CLSTN2: variants seen among roughly 807,000 people sequenced by gnomAD.
CLSTN2 encodes the protein calsyntenin 2, also known as calsyntenin-2.
A neutral mutation model predicts 101.2 loss-of-function variants in CLSTN2; 48 were observed. The observed-to-expected ratio is 0.47, with a 90% CI of 0.38 to 0.60. The LOEUF (loss-of-function observed/expected upper bound fraction) is 0.60, where lower values mean the gene tolerates loss of function less well. Among genes scored for constraint, CLSTN2 ranks in the 20% least tolerant of loss-of-function variants. CLSTN2 has a pLI of 0.00. For synonymous variants in CLSTN2, 481 were observed against 463.6 expected (o/e 1.04, Z -0.48); for missense variants, 1,160 against 1,238.2 (o/e 0.94, Z 0.95).
Position 140,448,604 on chromosome 3 carries a change from CGT to C in CLSTN2, c.876_877del (p.Ser293PhefsTer11). 1 of 1,614,070 alleles carries C rather than the reference CGT, an allele frequency of 6.2e-7. No individual in the cohort carries two copies. The highest frequency in any genetic ancestry group is 1.1e-5 in the South Asian group (1 of 91,068). On this transcript the variant is annotated frameshift_variant, in exon 6 of 17. Coordinates refer to ENST00000458420, the MANE Select transcript of CLSTN2 (RefSeq NM_022131.3). LOFTEE classifies it high-confidence loss of function. ...SIHLETCDGA[V>X]SSLQIVTELQ... ...TCCACCTGGAGACGTGCGATGGAGC[CGT>C]GTCTTCCCTCCAGATCGTCACAGAG...
At chr3:140,540,609 T>C (rs997396224) in intron 9 of CLSTN2, among the ~76,000 whole-genome samples, 1 of 151,630 alleles carries the variant, frequency 6.6e-6, no homozygotes, top group Non-Finnish European at 1.5e-5. Context: ...GAAACAGCCA[T>C]ACACAGAGCA....
At chr3:140,463,889 G>A (rs959528608) in intron 7 of CLSTN2, among the ~76,000 whole-genome samples, 1 of 152,210 alleles carries the variant, frequency 6.6e-6, no homozygotes, top group Admixed American at 6.5e-5. Context: ...GGGGATTCCT[G>A]AGAGAAGGGA....
At chr3:140,215,843 T>A (rs4683812) in intron 2 of CLSTN2, among the ~76,000 whole-genome samples, 142,879 of 152,314 alleles carry the variant, frequency 0.94, 67,698 homozygotes, top group East Asian at 1. Flanking sequence ...TGGTGAGTAC[T>A]CAATATGTAT....
At chr3:140,407,444 T>C (rs1184774283) in intron 4 of CLSTN2, among the ~76,000 whole-genome samples, 2 of 152,110 alleles carry the variant, frequency 1.3e-5, no homozygotes, top group Admixed American at 1.3e-4. Context: ...CCAGAGGCCC[T>C]CAGACTCCCT....
intron 2 of CLSTN2, among the ~76,000 whole-genome samples, chr3:140,216,974 A>G (rs1440209627): frequency 6.6e-6 from 1 of 152,190 alleles, no homozygotes; most frequent in Non-Finnish European, 1.5e-5. Flanking sequence ...CATGGTTACT[A>G]TACCCATTTT....
chr3:140,012,568 G>C (rs1282928447), intron 1 of CLSTN2, among the ~76,000 whole-genome samples: 2 of 152,172 alleles, frequency 1.3e-5, no homozygotes, highest in Admixed American at 6.5e-5. Context: ...CCAAGGAAGA[G>C]GGATGACCAG....
chr3:140,065,642 C>T (rs965602921), intron 1 of CLSTN2, among the ~76,000 whole-genome samples: 1 of 152,252 alleles, frequency 6.6e-6, no homozygotes, highest in Non-Finnish European at 1.5e-5. Flanking sequence ...AACACCCAGA[C>T]TTAACTGGTC....
chr3:139,936,921 A>G (rs911981817), intron 1 of CLSTN2, among the ~76,000 whole-genome samples: 7 of 152,146 alleles, frequency 4.6e-5, no homozygotes, highest in Non-Finnish European at 1.5e-5. Context: ...GAGAAATTTC[A>G]TGAGAGAAAA....
Position 140,566,279 on chromosome 3 carries a change from AC to A in CLSTN2, c.*27del, listed in dbSNP as rs749579093. 805 of 1,548,788 alleles carry A rather than the reference AC, an allele frequency of 5.2e-4. 2 individuals carry two copies. The highest frequency in any genetic ancestry group is 7.7e-4 in the South Asian group (65 of 84,042). Reference sequence around the variant, plus strand: ...TGCCCAGGGGTCTGCTGCCTGGCCCACATGTCCCTTTTGTAAACCCTGACCC... The same window carrying A: ...TGCCCAGGGGTCTGCTGCCTGGCCCAATGTCCCTTTTGTAAACCCTGACCC... On this transcript the variant is annotated 3_prime_UTR_variant, in exon 17 of 17. Coordinates refer to ENST00000458420, the MANE Select transcript of CLSTN2 (RefSeq NM_022131.3).
intron 1 of CLSTN2, among the ~76,000 whole-genome samples, chr3:140,170,848 C>T (rs533525509): frequency 2.8e-4 from 42 of 152,264 alleles, no homozygotes; most frequent in African/African-American, 7.7e-4. Context: ...ATTTTACAGT[C>T]GTGGGAACTG....
At chr3:140,273,276 C>T (rs2086761788) in intron 2 of CLSTN2, among the ~76,000 whole-genome samples, 1 of 152,032 alleles carries the variant, frequency 6.6e-6, no homozygotes, top group African/African-American at 2.4e-5. Context: ...GGCTTAAAAC[C>T]TAGATGATGG....
chr3:140,180,421 A>G (rs1185067113), intron 2 of CLSTN2, among the ~76,000 whole-genome samples: 1 of 152,214 alleles, frequency 6.6e-6, no homozygotes, highest in Non-Finnish European at 1.5e-5. Context: ...ACTTGTCTCA[A>G]TTCTTAACCC....
intron 2 of CLSTN2, among the ~76,000 whole-genome samples, chr3:140,206,356 C>G (rs930111899): frequency 2.0e-5 from 3 of 152,168 alleles, no homozygotes; most frequent in Non-Finnish European, 4.4e-5. Context: ...AGCTCAACCT[C>G]CCCTAGCTTG....
chr3:140,352,168 G>A (rs1258747613), intron 2 of CLSTN2, among the ~76,000 whole-genome samples: 5 of 152,004 alleles, frequency 3.3e-5, no homozygotes, highest in Non-Finnish European at 7.4e-5. Context: ...AAAGAGATGA[G>A]GTATTTACCA....
intron 5 of CLSTN2, among the ~76,000 whole-genome samples, chr3:140,423,484 G>A (rs1050088823): frequency 1.6e-4 from 25 of 152,150 alleles, no homozygotes; most frequent in African/African-American, 5.5e-4. Context: ...GCAGGGAAGA[G>A]GCAATTCCCT....
chr3:140,357,515 C>G (rs555349368), intron 2 of CLSTN2, among the ~76,000 whole-genome samples: 9 of 151,612 alleles, frequency 5.9e-5, no homozygotes, highest in Non-Finnish European at 1.3e-4. Context: ...GGGACAGACC[C>G]ACAGAGGCCC....
chr3:140,567,821 T>C lies in CLSTN2; in HGVS notation c.*1568T>C, dbSNP rs1033486754. The C allele has an allele frequency of 2.6e-5, 4 of 152,226 alleles. No individual in the cohort carries two copies. Among genetic ancestry groups the C allele is most frequent in the Non-Finnish European group, 5.9e-5 (4 of 68,050 alleles). 9.4% of individuals were successfully genotyped at this position (152,226 alleles called of 1,614,324 possible). ...AATAGTTCAGAATCTCAGCCTTTTC[T>C]TTGTGTCATCAAAACAGCTTAAGAA... On this transcript the variant is annotated 3_prime_UTR_variant, in exon 17 of 17. Transcript: ENST00000458420.
At chr3:139,968,569 A>C (rs1190028288) in intron 1 of CLSTN2, among the ~76,000 whole-genome samples, 1 of 152,224 alleles carries the variant, frequency 6.6e-6, no homozygotes, top group Non-Finnish European at 1.5e-5. Context: ...CCCTCACCAG[A>C]AAGCAGATGT....
At chr3:140,089,004 T>C (rs1445346311) in intron 1 of CLSTN2, among the ~76,000 whole-genome samples, 1 of 147,914 alleles carries the variant, frequency 6.8e-6, no homozygotes, top group Non-Finnish European at 1.5e-5. Flanking sequence ...TTAAATCAAC[T>C]GAGACAAAAA....
Sources: gnomAD v4.1 joint callset for allele counts (sites outside exome capture counted in the v4.1 genomes callset) on GRCh38, gnomAD v4.1.1 for gene constraint, MANE v1.5 for transcripts, NCBI Gene and HGNC (gene_info 2026-07-23, HGNC 2026-07-21) for gene names.